CROT: variants seen among roughly 807,000 people sequenced by gnomAD.
The protein encoded by CROT is peroxisomal carnitine O-octanoyltransferase.
Under a neutral mutation model 89.2 loss-of-function variants are expected in CROT, and 84 were observed. The ratio of observed to expected loss-of-function variants is 0.94; its 90% CI spans 0.79 to 1.13. CROT has a LOEUF of 1.13. CROT is among the 50% of genes most tolerant of loss of function. CROT has a pLI of 0.00. For synonymous variants in CROT, 212 were observed against 239.5 expected (o/e 0.89, Z 1.06); for missense variants, 711 against 727.8 (o/e 0.98, Z 0.27).
chr7:87,383,409 A>G (rs931700950), intron 13 of CROT, among the ~76,000 whole-genome samples: 2 of 152,098 alleles, frequency 1.3e-5, no homozygotes, highest in African/African-American at 2.4e-5. Context: ...AAAGTTATCC[A>G]GCCTTACCCA....
At chr7:87,382,650 C>A (rs1462057632) in intron 13 of CROT, 107 bp downstream of exon 13, 40 of 1,122,804 alleles carry the variant, frequency 3.6e-5, no homozygotes, top group Non-Finnish European at 3.8e-5. Context: ...ACTTTTTTCC[C>A]AGCTGGTACT....
At chr7:87,362,642 AT>A (rs10717710) in intron 6 of CROT, among the ~76,000 whole-genome samples, 2,108 of 148,448 alleles carry the variant, frequency 0.014, 47 homozygotes, top group African/African-American at 0.049. Context: ...TGACTCATCA[AT>A]TTTTTTTTTT....
intron 10 of CROT, among the ~76,000 whole-genome samples, chr7:87,378,984 CCTTT>C (rs1425995622): frequency 1.3e-5 from 2 of 152,194 alleles, no homozygotes; most frequent in Non-Finnish European, 2.9e-5. Flanking sequence ...CTTTACTCTT[CCTTT>C]GAGTCTACTG....
intron 6 of CROT, among the ~76,000 whole-genome samples, chr7:87,364,566 T>C (rs561453602): frequency 3.3e-5 from 5 of 152,278 alleles, no homozygotes; most frequent in Admixed American, 3.3e-4. Context: ...GGTGGTAACA[T>C]TTGGAAATAA....
At chr7:87,372,007 C>CAA (rs61300907) in intron 7 of CROT, among the ~76,000 whole-genome samples, 14 of 123,990 alleles carry the variant, frequency 1.1e-4, no homozygotes, top group African/African-American at 4.0e-4. Flanking sequence ...AAAAAAAAAA[C>CAA]AAAAAAAAAA....
intron 3 of CROT, among the ~76,000 whole-genome samples, chr7:87,358,339 A>G (rs809066): frequency 0.91 from 136,506 of 150,448 alleles, 62,015 homozygotes; most frequent in Middle Eastern, 0.94. Context: ...AAAAAGAGCC[A>G]GGAGTGGTGG....
At chr7:87,398,359 A>G (rs1562941991) in intron 17 of CROT, 165 bp from the exon 18 acceptor site, 1 of 815,080 alleles carries the variant, frequency 1.2e-6, no homozygotes, top group Non-Finnish European at 2.1e-6. Context: ...AGCATTATCT[A>G]CAGATATGGC....
At chr7:87,385,164 T>C (rs1345950816) in intron 13 of CROT, among the ~76,000 whole-genome samples, 2 of 152,114 alleles carry the variant, frequency 1.3e-5, no homozygotes, top group Non-Finnish European at 2.9e-5. Context: ...TGGTATTGCA[T>C]TGGCTATTCT....
At chr7:87,360,756 G>C (rs1226759930) in intron 4 of CROT, among the ~76,000 whole-genome samples, 1 of 152,000 alleles carries the variant, frequency 6.6e-6, no homozygotes, top group Non-Finnish European at 1.5e-5. Flanking sequence ...TATGCCCCAA[G>C]TACTCTGAAG....
At chr7:87,378,852 G>T (rs1337258932) in intron 10 of CROT, among the ~76,000 whole-genome samples, 1 of 152,170 alleles carries the variant, frequency 6.6e-6, no homozygotes, top group Non-Finnish European at 1.5e-5. Flanking sequence ...GAACAGTAAA[G>T]TAGCTGTTAT....
In CROT at chr7:87,382,184, A is replaced by G. The variant is rs777373974; in HGVS notation, c.1170+3A>G. On this transcript the variant is annotated splice_donor_region_variant and intron_variant, in intron 12 of 17. Transcript: ENST00000331536. ...CTAAAGCCCAGTATCTCAGGGAGGT[A>G]TATTTTTCACTTTTCTCTTAAATAA... The G allele has an allele frequency of 6.3e-7, 1 of 1,590,078 alleles. No individual in the cohort carries two copies. The highest frequency in any genetic ancestry group is 1.4e-5 in the African/African-American group (1 of 74,046).
rs139396146 is a variant in CROT at position 87,361,461 on chromosome 7, G to A, written c.312G>A (p.Ala104=). ...CATCACAATTGAATGTCAACTTTGCGGGTCCTGCAGCTCATTTTGAACACT... is the reference window on the plus strand; with the variant it reads ...CATCACAATTGAATGTCAACTTTGCAGGTCCTGCAGCTCATTTTGAACACT... The part of the protein sequence containing the change: ...RIPSQLNVNF[A]GPAAHFEHYW... Residue 104 remains alanine, a synonymous_variant, in exon 5 of 18, where the codon GCG becomes GCA. Coordinates refer to ENST00000331536, the MANE Select transcript of CROT (RefSeq NM_021151.4). The A allele has an allele frequency of 1.7e-4, 268 of 1,613,714 alleles. 1 individual carries two copies. Among genetic ancestry groups the A allele is most frequent in the Admixed American group, 5.0e-5 (3 of 59,960 alleles).
chr7:87,389,640 G>C lies in CROT; in HGVS notation c.1302-1949G>C, dbSNP rs569919788. 2.1e-4 allele frequency among the ~76,000 whole-genome samples: 32 copies of C among 152,104 alleles called. 1 individual carries two copies. The South Asian group carries it at 6.2e-3, about 30-fold the overall frequency. ...GCTGTCATGGGGTGGGGGGCTAGGG[G>C]AGGGATAGCATTAGGAGAAATGCCT... On this transcript the variant is annotated intron_variant, in intron 13 of 17. Coordinates refer to ENST00000331536, the MANE Select transcript of CROT (RefSeq NM_021151.4).
chr7:87,370,069 T>C (rs1806583150), intron 7 of CROT, among the ~76,000 whole-genome samples: 1 of 152,118 alleles, frequency 6.6e-6, no homozygotes, highest in South Asian at 2.1e-4. Context: ...ATGGATTATT[T>C]TGAAGATAAT....
intron 12 of CROT, 38 bp from the exon 13 acceptor site, chr7:87,382,375 G>C: frequency 6.2e-7 from 1 of 1,600,076 alleles, no homozygotes; most frequent in Non-Finnish European, 8.5e-7. Flanking sequence ...TTCTCCTTAG[G>C]TGATTTTTCA....
intron 7 of CROT, among the ~76,000 whole-genome samples, chr7:87,370,232 G>C (rs1247412912): frequency 6.6e-6 from 1 of 152,042 alleles, no homozygotes; most frequent in Non-Finnish European, 1.5e-5. Flanking sequence ...GTCCAGGCTG[G>C]AGTGCAGAGG....
At chr7:87,384,544 A>T (rs570898350) in intron 13 of CROT, among the ~76,000 whole-genome samples, 2 of 152,200 alleles carry the variant, frequency 1.3e-5, no homozygotes, top group Non-Finnish European at 2.9e-5. Context: ...AACAACAAAA[A>T]AGATTATTTG....
At chr7:87,381,655 C>G (rs1201099352) in intron 10 of CROT, among the ~76,000 whole-genome samples, 1 of 152,042 alleles carries the variant, frequency 6.6e-6, no homozygotes, top group African/African-American at 2.4e-5. Context: ...TTTTATACAC[C>G]CTCATGACCC....
chr7:87,359,227 A>T lies in CROT; in HGVS notation c.137A>T (p.Glu46Val). 1 of 1,584,020 alleles carries T rather than the reference A, an allele frequency of 6.3e-7. No homozygotes were observed. The highest frequency in any genetic ancestry group is 8.6e-7 in the Non-Finnish European group (1 of 1,157,400). ...CTAGTGAAACCATTTGCAAATCAAG[A>T]AGAATATAAGAAAACTGAAGAAATA... ...LESVKPFANQ[E>V]EYKKTEEIVQ... is the part of the protein sequence containing the mutation. Residue 46 changes from glutamate (E) to valine (V), a missense_variant, in exon 4 of 18, where the codon GAA becomes GTA. Coordinates refer to ENST00000331536, the MANE Select transcript of CROT (RefSeq NM_021151.4).
Sources: gnomAD v4.1 joint callset for allele counts (sites outside exome capture counted in the v4.1 genomes callset) on GRCh38, gnomAD v4.1.1 for gene constraint, MANE v1.5 for transcripts, NCBI Gene and HGNC (gene_info 2026-07-23, HGNC 2026-07-21) for gene names.